PPFIBP2: variants seen among roughly 807,000 people sequenced by gnomAD.
The protein encoded by PPFIBP2 is liprin-beta-2.
In PPFIBP2, 118 loss-of-function variants were observed where a neutral mutation model predicts 118.3. That is an observed-to-expected ratio of 1.00 (90% confidence interval 0.86 to 1.16). PPFIBP2 has a LOEUF of 1.16. Ranked by LOEUF, PPFIBP2 falls within the 50% of genes most tolerant of loss-of-function variation. The probability of loss-of-function intolerance (pLI) is 0.00; values close to 1 mark genes in which losing one functional copy is unlikely to be tolerated. For synonymous variants in PPFIBP2, 414 were observed against 397.4 expected, an observed-to-expected ratio of 1.04 and a Z score of -0.50; for missense variants, 1,195 against 1,073.1, an observed-to-expected ratio of 1.11 and a Z score of -1.59.
intron 3 of PPFIBP2, among the ~76,000 whole-genome samples, chr11:7,574,278 A>G (rs1856006477): frequency 6.6e-6 from 1 of 152,128 alleles, no homozygotes; most frequent in South Asian, 2.1e-4. Context: ...AGTGACCCGT[A>G]TTTGTGTACC....
At chr11:7,567,946 A>AT (rs988355869) in intron 3 of PPFIBP2, among the ~76,000 whole-genome samples, 1 of 152,156 alleles carries the variant, frequency 6.6e-6, no homozygotes, top group Non-Finnish European at 1.5e-5. Context: ...CAGTTGAATT[A>AT]TTTTTTTAAA....
At chr11:7,595,689 G>C (rs1453224227) in intron 4 of PPFIBP2, among the ~76,000 whole-genome samples, 1 of 152,118 alleles carries the variant, frequency 6.6e-6, no homozygotes, top group Non-Finnish European at 1.5e-5. Context: ...GCAGGGTAGA[G>C]CCTCTTGCTT....
chr11:7,561,927 A>G (rs1854341193), intron 2 of PPFIBP2, among the ~76,000 whole-genome samples: 1 of 152,202 alleles, frequency 6.6e-6, no homozygotes, highest in African/African-American at 2.4e-5. Flanking sequence ...CCTTTTTGGC[A>G]CCAGGGAACA....
At position 7,616,405 on chromosome 11, in the gene PPFIBP2, A is replaced by G. The variant is rs1009052427; in HGVS notation, c.619-4530A>G. ...GTCTGTTGAGTTTGGGGCCAACTCT[A>G]TGATGGTTTGCAAGAAGGGAGGAGA... is the stretch of plus-strand genomic sequence containing the variant. On this transcript the variant is annotated intron_variant, in intron 6 of 23. Coordinates refer to ENST00000299492, the MANE Select transcript of PPFIBP2 (RefSeq NM_003621.5). The surrounding 1 kb of genome is among the most constrained non-coding windows in gnomAD (Gnocchi z 5.2). Among the ~76,000 whole-genome samples, 4 of 152,206 alleles carry G rather than the reference A, an allele frequency of 2.6e-5. No individual in the cohort carries two copies. Among genetic ancestry groups the G allele is most frequent in the Admixed American group, 6.5e-5 (1 of 15,274 alleles).
At position 7,640,525 on chromosome 11, in the gene PPFIBP2, G is replaced by C. The variant is rs373874390; in HGVS notation, c.1375+655G>C. On this transcript the variant is annotated intron_variant, in intron 15 of 23. Coordinates refer to ENST00000299492, the MANE Select transcript of PPFIBP2 (RefSeq NM_003621.5). ...GGAAGGGAACATTCTGGTCCTGGCA[G>C]GGTTCTTCCTGAGGCTCCTCAGCCT... Among the ~76,000 whole-genome samples the C allele has an allele frequency of 2.0e-5, 3 of 152,348 alleles. No homozygotes were observed. The East Asian group carries it at 5.8e-4, about 29-fold the overall frequency.
chr11:7,628,185 A>C, intron 8 of PPFIBP2, 100 bp from the exon 9 acceptor site: 2 of 977,954 alleles, frequency 2.0e-6, no homozygotes, highest in Non-Finnish European at 3.1e-6. Context: ...AGCCATGTTC[A>C]CATGGCAAGT....
chr11:7,554,648 A>C (rs1281963789), intron 2 of PPFIBP2, among the ~76,000 whole-genome samples: 1 of 152,156 alleles, frequency 6.6e-6, no homozygotes, highest in Non-Finnish European at 1.5e-5. Context: ...CCTTTGTCTC[A>C]GGTGGTCAAT....
intron 19 of PPFIBP2, 94 bp from the exon 20 acceptor site, chr11:7,649,053 C>T (rs767964686): frequency 5.1e-5 from 71 of 1,405,126 alleles, no homozygotes; most frequent in Middle Eastern, 1.8e-4. Flanking sequence ...GGGAATAAAA[C>T]GAACCTCAAA....
the PPFIBP2 span, among the ~76,000 whole-genome samples, chr11:7,664,508 G>A: frequency 2.0e-5 from 3 of 152,292 alleles, no homozygotes; most frequent in East Asian, 3.9e-4. Context: ...ATAGAGGGTA[G>A]ATGCACCCCT....
intron 3 of PPFIBP2, among the ~76,000 whole-genome samples, chr11:7,575,191 A>G (rs945443479): frequency 2.0e-4 from 30 of 152,186 alleles, no homozygotes; most frequent in Non-Finnish European, 1.3e-4. Context: ...CTTTCATCCA[A>G]AAAATGTTTA....
At chr11:7,611,882 G>T (rs1053127775) in intron 6 of PPFIBP2, among the ~76,000 whole-genome samples, 5 of 152,212 alleles carry the variant, frequency 3.3e-5, no homozygotes, top group African/African-American at 1.2e-4. Context: ...TCTGTGTGAA[G>T]TGCTAGTTGA....
chr11:7,610,814 C>T (rs960628005), intron 6 of PPFIBP2, among the ~76,000 whole-genome samples: 3 of 152,184 alleles, frequency 2.0e-5, no homozygotes, highest in Non-Finnish European at 2.9e-5. Context: ...AGTCTGGAAA[C>T]GTTTCTTGAC....
At chr11:7,541,639 G>C (rs1438584908) in intron 1 of PPFIBP2, among the ~76,000 whole-genome samples, 1 of 152,126 alleles carries the variant, frequency 6.6e-6, no homozygotes, top group Non-Finnish European at 1.5e-5. Flanking sequence ...GTCACTTCAT[G>C]CAATTGCTTA....
chr11:7,604,550 C>A (rs1056425583), intron 5 of PPFIBP2, among the ~76,000 whole-genome samples: 12 of 149,550 alleles, frequency 8.0e-5, no homozygotes, highest in Non-Finnish European at 1.8e-4. Context: ...CAGCCATACA[C>A]ACACACACCC....
chr11:7,574,142 T>G (rs1855988972), intron 3 of PPFIBP2: 1 of 152,286 alleles, frequency 6.6e-6, no homozygotes, highest in Non-Finnish European at 1.5e-5. Flanking sequence ...ACTCCCAGAA[T>G]GCTCAGCCTC....
chr11:7,593,347 T>G, intron 4 of PPFIBP2, 123 bp downstream of exon 4: 1 of 1,376,210 alleles, frequency 7.3e-7, no homozygotes, highest in Non-Finnish European at 9.7e-7. Context: ...ATGCCTATGT[T>G]TTTAGAAAAG....
intron 5 of PPFIBP2, among the ~76,000 whole-genome samples, chr11:7,603,504 G>A (rs926633088): frequency 6.6e-6 from 1 of 152,050 alleles, no homozygotes; most frequent in African/African-American, 2.4e-5. Context: ...CCTTTCCATG[G>A]CCCACTCTTT....
At chr11:7,564,674 T>C (rs1033708816) in intron 2 of PPFIBP2, among the ~76,000 whole-genome samples, 9 of 152,176 alleles carry the variant, frequency 5.9e-5, no homozygotes, top group African/African-American at 1.7e-4. Context: ...TTGGTGTCAG[T>C]CGGGGTGGCT....
At chr11:7,619,664 A>G (rs1849109499) in intron 6 of PPFIBP2, among the ~76,000 whole-genome samples, 1 of 152,242 alleles carries the variant, frequency 6.6e-6, no homozygotes, top group African/African-American at 2.4e-5. Context: ...GAAAGAAATG[A>G]GACATTCAAG....
Sources: allele counts gnomAD v4.1 joint callset (sites outside exome capture counted in the v4.1 genomes callset), GRCh38; gene constraint gnomAD v4.1.1; non-coding constraint Gnocchi (gnomAD v3.1); transcripts MANE v1.5; gene names NCBI Gene and HGNC (gene_info 2026-07-23, HGNC 2026-07-21).